The following CD96 variants were observed in gnomAD, a reference collection of about 807,000 sequenced individuals.
The protein encoded by CD96 is T-cell surface protein tactile.
In CD96, 70 loss-of-function variants were observed where a neutral mutation model predicts 71.3. The ratio of observed to expected loss-of-function variants is 0.98; its 90% CI spans 0.81 to 1.20. The LOEUF (loss-of-function observed/expected upper bound fraction) is 1.20, where lower values mean the gene tolerates loss of function less well. Ranked by LOEUF, CD96 falls within the 50% of genes most tolerant of loss-of-function variation. The pLI is 0.00. For synonymous variants in CD96, 248 were observed against 233.0 expected, an observed-to-expected ratio of 1.06 and a Z score of -0.59; for missense variants, 742 against 677.5, an observed-to-expected ratio of 1.10 and a Z score of -1.06.
chr3:111,622,343 T>A (rs1437599910), intron 8 of CD96, among the ~76,000 whole-genome samples: 1 of 152,234 alleles, frequency 6.6e-6, no homozygotes, highest in Non-Finnish European at 1.5e-5. Flanking sequence ...GCAAGTGACC[T>A]ATTTTACAGA....
At chr3:111,613,589 G>A (rs763466044) in intron 8 of CD96, among the ~76,000 whole-genome samples, 1 of 152,172 alleles carries the variant, frequency 6.6e-6, no homozygotes, top group Admixed American at 6.5e-5. Context: ...AGATGTAGTT[G>A]AAGGCCTATA....
intron 3 of CD96, among the ~76,000 whole-genome samples, chr3:111,572,624 C>A (rs1936037348): frequency 6.6e-6 from 1 of 152,144 alleles, no homozygotes; most frequent in East Asian, 1.9e-4. Flanking sequence ...CTCAGGAGAG[C>A]AGAAACTTCC....
chr3:111,583,525 T>A (rs1329774886), intron 4 of CD96, among the ~76,000 whole-genome samples: 1 of 152,230 alleles, frequency 6.6e-6, no homozygotes, highest in Non-Finnish European at 1.5e-5. Context: ...GCAGAGGTTC[T>A]TCATGAGGGC....
intron 2 of CD96, among the ~76,000 whole-genome samples, chr3:111,556,056 A>G (rs2107503441): frequency 6.6e-6 from 1 of 152,418 alleles, no homozygotes; most frequent in Admixed American, 6.5e-5. Context: ...GAGAACATCT[A>G]GTAAATTTCT....
chr3:111,567,371 A>T, intron 2 of CD96, 152 bp from the exon 3 acceptor site: 2 of 641,066 alleles, frequency 3.1e-6, no homozygotes, highest in South Asian at 3.6e-5. Context: ...TTATACAATG[A>T]GGGCTATCGT....
intron 2 of CD96, among the ~76,000 whole-genome samples, chr3:111,553,253 T>C (rs151134644): frequency 0.021 from 3,138 of 152,038 alleles, 38 homozygotes; most frequent in Non-Finnish European, 0.026. Context: ...AAAGCTATAT[T>C]ACATTTGTTA....
chr3:111,544,164 G>C (rs1934259789), intron 1 of CD96, among the ~76,000 whole-genome samples: 1 of 151,674 alleles, frequency 6.6e-6, no homozygotes, highest in African/African-American at 2.4e-5. Context: ...TCGTTTTTTT[G>C]AGATGGAGTC....
At chr3:111,555,076 A>T (rs1021246595) in intron 2 of CD96, among the ~76,000 whole-genome samples, 9 of 152,116 alleles carry the variant, frequency 5.9e-5, no homozygotes, top group African/African-American at 2.2e-4. Context: ...GTAAATACAG[A>T]TGAAGCTTTT....
chr3:111,615,097 G>T (rs1300830398), intron 8 of CD96, among the ~76,000 whole-genome samples: 1 of 152,224 alleles, frequency 6.6e-6, no homozygotes, highest in Non-Finnish European at 1.5e-5. Context: ...CTGTATTATG[G>T]TTCTTAACCT....
intron 12 of CD96, among the ~76,000 whole-genome samples, chr3:111,638,669 C>CT (rs1423207265): frequency 6.6e-6 from 1 of 152,128 alleles, no homozygotes; most frequent in Non-Finnish European, 1.5e-5. Context: ...TAGGACCCTC[C>CT]TAATGAAGGT....
intron 14 of CD96, among the ~76,000 whole-genome samples, chr3:111,660,037 CA>C (rs765078547): frequency 7.9e-5 from 12 of 152,098 alleles, no homozygotes; most frequent in Non-Finnish European, 1.5e-4. Flanking sequence ...AGCAATCAGG[CA>C]AGAGAAAGAA....
At chr3:111,578,404 A>G (rs1418334361) in intron 3 of CD96, among the ~76,000 whole-genome samples, 1 of 152,212 alleles carries the variant, frequency 6.6e-6, no homozygotes, top group Non-Finnish European at 1.5e-5. Flanking sequence ...TAACACAAAC[A>G]CAGAAGAAAG....
At chr3:111,587,138 A>G (rs1936751109) in intron 5 of CD96, among the ~76,000 whole-genome samples, 2 of 152,194 alleles carry the variant, frequency 1.3e-5, no homozygotes, top group African/African-American at 4.8e-5. Context: ...GTCAAATCTT[A>G]AGGCTCCAAA....
At chr3:111,549,637 A>G (rs1199401383) in intron 2 of CD96, among the ~76,000 whole-genome samples, 5 of 152,152 alleles carry the variant, frequency 3.3e-5, no homozygotes, top group African/African-American at 9.7e-5. Context: ...TGTTTAGATT[A>G]GAAACTTGTG....
chr3:111,570,001 AC>A (rs757693317), intron 3 of CD96, among the ~76,000 whole-genome samples: 3 of 120,864 alleles, frequency 2.5e-5, no homozygotes, highest in Non-Finnish European at 4.9e-5. Flanking sequence ...TATGAGGCTC[AC>A]CCTGTCTGAC....
intron 14 of CD96, among the ~76,000 whole-genome samples, chr3:111,664,701 G>C (rs866392044): frequency 7.2e-5 from 11 of 152,242 alleles, no homozygotes; most frequent in Middle Eastern, 3.4e-3. Context: ...AAAAGGGAGA[G>C]AGGACTATAT....
rs1293231609 is a variant in CD96 at position 111,623,784 on chromosome 3, T to C, written c.1211T>C (p.Val404Ala). 6.2e-7 allele frequency: 1 copy of C among 1,611,282 alleles called. No individual in the cohort carries two copies. The highest frequency in any genetic ancestry group is 1.1e-5 in the South Asian group (1 of 91,028). ...CCAGCTACATCTTCAGTGACCCTTG[T>C]AGATGTGAGTGCCTTGAGGCCAAAC... ...RYPATSSVTL[V>A]DVSALRPNTT... The change falls in exon 9 of 14, where the codon GTA becomes GCA. Residue 404 changes from valine to alanine, a missense_variant. Val to Ala is a moderately conservative substitution (Grantham distance 64). Coordinates refer to ENST00000352690, the MANE Select transcript of CD96 (RefSeq NM_005816.5).
intron 10 of CD96, among the ~76,000 whole-genome samples, chr3:111,627,522 T>A (rs190599878): frequency 1.2e-3 from 188 of 152,118 alleles, no homozygotes; most frequent in Admixed American, 2.1e-3. Flanking sequence ...TGGGACAGAG[T>A]GCCCAGTGGG....
intron 10 of CD96, among the ~76,000 whole-genome samples, chr3:111,632,231 G>A (rs1364726999): frequency 4.6e-5 from 7 of 152,050 alleles, no homozygotes; most frequent in South Asian, 2.1e-4. Context: ...TCTGAAAAAG[G>A]TATAATAGCC....
Sources: gnomAD v4.1 joint callset for allele counts (sites outside exome capture counted in the v4.1 genomes callset) on GRCh38, gnomAD v4.1.1 for gene constraint, MANE v1.5 for transcripts, NCBI Gene and HGNC (gene_info 2026-07-23, HGNC 2026-07-21) for gene names.